Variants in PRKN observed in about 807,000 individuals in gnomAD.
The protein encoded by PRKN is parkin RBR E3 ubiquitin protein ligase, also known as E3 ubiquitin-protein ligase parkin.
A neutral mutation model predicts 59.5 loss-of-function variants in PRKN; 56 were observed. The ratio of observed to expected loss-of-function variants is 0.94; its 90% CI spans 0.76 to 1.18. PRKN has a LOEUF of 1.18. Ranked by LOEUF, PRKN falls within the 50% of genes most tolerant of loss-of-function variation. The probability of loss-of-function intolerance (pLI) is 0.00; values close to 1 mark genes in which losing one functional copy is unlikely to be tolerated. For missense variants in PRKN, 657 were observed against 596.4 expected (o/e 1.10, Z -1.06); for synonymous variants, 250 against 222.1 (o/e 1.13, Z -1.12).
chr6:161,426,271 T>C (rs1007305505), intron 9 of PRKN, among the ~76,000 whole-genome samples: 1 of 152,164 alleles, frequency 6.6e-6, no homozygotes, highest in Non-Finnish European at 1.5e-5. Flanking sequence ...ATACTGAGTG[T>C]CAACTTGATT....
chr6:161,381,527 C>T (rs1785984655), intron 10 of PRKN, among the ~76,000 whole-genome samples: 1 of 152,186 alleles, frequency 6.6e-6, no homozygotes, highest in Admixed American at 6.5e-5. Context: ...ATATTTATCC[C>T]AAGCAAATGG....
rs1778138755 is a variant in PRKN at position 162,523,048 on chromosome 6, A to G, written c.8-79575T>C. Among the ~76,000 whole-genome samples, 3 of 152,140 alleles carry G rather than the reference A, an allele frequency of 2.0e-5. No homozygotes were observed. The South Asian group carries it at 6.2e-4, about 31-fold the overall frequency. On this transcript the variant is annotated intron_variant, in intron 1 of 11. Coordinates refer to ENST00000366898, the MANE Select transcript of PRKN (RefSeq NM_004562.3). ...GCTCATGCCTTCCTGATACAGTCAC[A>G]TCCAAGAAGCTCTAAAGCCCAATGG...
chr6:161,934,090 T>C (rs540290557), intron 6 of PRKN, among the ~76,000 whole-genome samples: 3 of 152,328 alleles, frequency 2.0e-5, no homozygotes, highest in African/African-American at 4.8e-5. Context: ...GAAGAGGTAA[T>C]TGAATCACGG....
intron 7 of PRKN, among the ~76,000 whole-genome samples, chr6:161,612,700 G>T (rs1782530843): frequency 8.3e-6 from 1 of 120,944 alleles, no homozygotes; most frequent in South Asian, 2.7e-4. Context: ...CAGCCTGGGT[G>T]ACAGTCAGAC....
intron 9 of PRKN, among the ~76,000 whole-genome samples, chr6:161,536,152 A>G (rs1259151617): frequency 6.6e-6 from 1 of 152,154 alleles, no homozygotes; most frequent in Non-Finnish European, 1.5e-5. Context: ...CTGTGTGCCC[A>G]TTAAGAGATT....
chr6:162,304,208 C>A (rs9456759), intron 2 of PRKN, among the ~76,000 whole-genome samples: 19,194 of 150,324 alleles, frequency 0.13, 3,135 homozygotes, highest in African/African-American at 0.35. Flanking sequence ...TATGTTGCCG[C>A]AATCCCCTAT....
chr6:162,408,145 T>G (rs1054966140), intron 2 of PRKN, among the ~76,000 whole-genome samples: 7 of 152,160 alleles, frequency 4.6e-5, no homozygotes, highest in African/African-American at 1.7e-4. Flanking sequence ...GATTCCCTCA[T>G]TAGTAGTCAC....
chr6:161,903,068 C>A (rs1390789301), intron 6 of PRKN, among the ~76,000 whole-genome samples: 1 of 152,182 alleles, frequency 6.6e-6, no homozygotes, highest in Non-Finnish European at 1.5e-5. Flanking sequence ...GGGAACTGTT[C>A]ATCGCTATTG....
chr6:162,103,623 GA>G (rs199818629), intron 4 of PRKN, among the ~76,000 whole-genome samples: 5,382 of 139,590 alleles, frequency 0.039, 292 homozygotes, highest in African/African-American at 0.13. Flanking sequence ...TTTAACTTCT[GA>G]AAAAAAAAAA....
chr6:161,877,403 T>A (rs1310109032), intron 6 of PRKN, among the ~76,000 whole-genome samples: 3 of 152,020 alleles, frequency 2.0e-5, no homozygotes, highest in Non-Finnish European at 4.4e-5. Flanking sequence ...ATGGCCTACA[T>A]CATGACTATT....
At chr6:162,050,577 T>C (rs1434801965) in intron 5 of PRKN, among the ~76,000 whole-genome samples, 1 of 152,100 alleles carries the variant, frequency 6.6e-6, no homozygotes, top group African/African-American at 2.4e-5. Flanking sequence ...GGGTTTAATG[T>C]TGACAATGAC....
intron 2 of PRKN, among the ~76,000 whole-genome samples, chr6:162,436,685 A>G (rs530654680): frequency 6.6e-6 from 1 of 152,298 alleles, no homozygotes; most frequent in East Asian, 1.9e-4. Context: ...TGGAGTACAC[A>G]ATTGTCAAGA....
intron 10 of PRKN, among the ~76,000 whole-genome samples, chr6:161,374,972 A>G (rs1329379642): frequency 6.6e-6 from 1 of 152,096 alleles, no homozygotes; most frequent in Non-Finnish European, 1.5e-5. Flanking sequence ...TTTTCAGAGG[A>G]GGGTCCCATG....
rs573909010 is a variant in PRKN at position 161,803,962 on chromosome 6, C to T, written c.735-18054G>A. 5.3e-5 allele frequency among the ~76,000 whole-genome samples: 8 copies of T among 152,238 alleles called. No homozygotes were observed. In the South Asian group the frequency reaches 6.2e-4, roughly 12 times the overall value. On this transcript the variant is annotated intron_variant, in intron 6 of 11. Coordinates refer to ENST00000366898, the MANE Select transcript of PRKN (RefSeq NM_004562.3). ...GAACCAAAGAAGGAGGCGGTGTTGC[C>T]GATGTGTAGAGGTCAGAAGTGGGCC...
chr6:162,145,851 C>CA (rs1420101884), intron 4 of PRKN, among the ~76,000 whole-genome samples: 1 of 152,168 alleles, frequency 6.6e-6, no homozygotes, highest in African/African-American at 2.4e-5. Flanking sequence ...AGCAACCAAT[C>CA]AGAGGCTAAA....
rs1452156939 is a variant in PRKN at position 162,351,842 on chromosome 6, G to A, written c.172-89077C>T. ...GGTTTTTGTGTGTGTTTGTGTGTGT[G>A]TGTGTATGGGTGTGTGTTTATTAAA... On this transcript the variant is annotated intron_variant, in intron 2 of 11. Transcript: ENST00000366898. Among the ~76,000 whole-genome samples the A allele has an allele frequency of 2.6e-5, 4 of 152,214 alleles. No homozygotes were observed. The East Asian group carries it at 7.7e-4, about 29-fold the overall frequency.
rs555924253 is a variant in PRKN, at chr6:161,354,917, G to A, written c.1286-4706C>T. ...CAGGGAGAAACTTTCCTACAGTCAC[G>A]AACCATTTGACTCCTACAACTCCAT... On this transcript the variant is annotated intron_variant, in intron 11 of 11. Coordinates refer to ENST00000366898, the MANE Select transcript of PRKN (RefSeq NM_004562.3). This position sits in a 1 kb window ranked among gnomAD's most constrained non-coding sequence, Gnocchi z 6.7. Among the ~76,000 whole-genome samples, 290 of 152,254 alleles carry A rather than the reference G, an allele frequency of 1.9e-3. 2 individuals are homozygous for A. The highest frequency in any genetic ancestry group is 6.6e-3 in the African/African-American group (276 of 41,560).
intron 10 of PRKN, among the ~76,000 whole-genome samples, chr6:161,367,667 C>T (rs1422150495): frequency 1.3e-5 from 2 of 152,112 alleles, no homozygotes; most frequent in Admixed American, 6.6e-5. Flanking sequence ...GACCTCGGCA[C>T]GGGCTAACAC....
intron 3 of PRKN, among the ~76,000 whole-genome samples, chr6:162,247,138 T>C (rs1779232185): frequency 6.6e-6 from 1 of 152,174 alleles, no homozygotes; most frequent in Admixed American, 6.6e-5. Flanking sequence ...GCTAAAATGT[T>C]TGTGTTTGAC....
Sources: allele counts gnomAD v4.1 joint callset (sites outside exome capture counted in the v4.1 genomes callset), GRCh38; gene constraint gnomAD v4.1.1; non-coding constraint Gnocchi (gnomAD v3.1); transcripts MANE v1.5; gene names NCBI Gene and HGNC (gene_info 2026-07-23, HGNC 2026-07-21).